Variants in CATSPER1 observed in about 807,000 individuals in gnomAD.
The protein encoded by CATSPER1 is cation channel sperm associated 1.
Under a neutral mutation model 72.7 loss-of-function variants are expected in CATSPER1, and 57 were observed. The observed-to-expected ratio is 0.78, with a 90% CI of 0.63 to 0.98. The LOEUF is 0.98. CATSPER1 is among the 50% of genes least tolerant of loss of function. The probability of loss-of-function intolerance (pLI) is 0.00; values close to 1 mark genes in which losing one functional copy is unlikely to be tolerated. For missense variants in CATSPER1, 910 were observed against 1,033.9 expected (o/e 0.88, Z 1.64); for synonymous variants, 363 against 403.0 (o/e 0.90, Z 1.19).
intron 9 of CATSPER1, 21 bp from the exon 10 acceptor site, chr11:66,018,923 G>A (rs1418404227): frequency 6.3e-7 from 1 of 1,595,738 alleles, no homozygotes; most frequent in Non-Finnish European, 8.6e-7. Context: ...AGAAAGAAGG[G>A]TGAGGTCAAG....
At chr11:66,024,743 A>C (rs1225337420) in intron 1 of CATSPER1, among the ~76,000 whole-genome samples, 1 of 152,142 alleles carries the variant, frequency 6.6e-6, no homozygotes, top group African/African-American at 2.4e-5. Context: ...GACAGATAGA[A>C]TCCACCATGG....
intron 9 of CATSPER1, 97 bp from the exon 10 acceptor site, chr11:66,018,999 TG>T (rs1856298088): frequency 4.8e-6 from 5 of 1,032,792 alleles, no homozygotes; most frequent in Non-Finnish European, 7.6e-6. Flanking sequence ...ATGGAGTTTC[TG>T]GCCAGGCTGC....
At position 66,025,863 on chromosome 11, in the gene CATSPER1, A is replaced by G. The variant is rs1856491334; in HGVS notation, c.517T>C (p.Ser173Pro). 1.2e-6 allele frequency: 2 copies of G among 1,612,568 alleles called. No homozygotes were observed. Among genetic ancestry groups the G allele is most frequent in the Admixed American group, 1.7e-5 (1 of 59,874 alleles). The stretch of plus-strand genomic sequence containing the variant: ...GGGAGGTAGGACCCACCATGGTGGG[A>G]AGCCTCACCGTGGTGGGGCACGCCA... ...SSGVPHHGEA[S>P]HHGGSYLPHG... The change falls in exon 1 of 12, where the codon TCC becomes CCC. Residue 173 changes from serine (S) to proline (P), a missense_variant. By Grantham distance (74) the Ser-to-Pro change is moderately conservative (BLOSUM62 -1). Coordinates refer to ENST00000312106, the MANE Select transcript of CATSPER1 (RefSeq NM_053054.4).
chr11:66,021,479 G>A lies in CATSPER1; in HGVS notation c.1691+17C>T, dbSNP rs368032844. ...CCTTTGGAGTCCCCACCCCAGGTGG[G>A]AGCCGTGGCCACTGACCTGAGCCTC... On this transcript the variant is annotated intron_variant, in intron 4 of 11. Transcript: ENST00000312106. 3 of 1,611,494 alleles carry A rather than the reference G, an allele frequency of 1.9e-6. No homozygotes were observed. Among genetic ancestry groups the A allele is most frequent in the African/African-American group, 2.7e-5 (2 of 74,906 alleles).
Position 66,026,409 on chromosome 11 carries a change from A to G in CATSPER1, c.-30T>C, listed in dbSNP as rs755275366. ...GTGCTGGGAACTCTGGAGCCAAAAG[A>G]GCTCAAGACCTGGGCCCAACAGGCC... is the stretch of plus-strand genomic sequence containing the variant. On this transcript the variant is annotated 5_prime_UTR_variant, in exon 1 of 12. Transcript: ENST00000312106. 2 of 1,609,534 alleles carry G rather than the reference A, an allele frequency of 1.2e-6. No individual in the cohort carries two copies. Among genetic ancestry groups the G allele is most frequent in the Non-Finnish European group, 1.7e-6 (2 of 1,179,864 alleles).
chr11:66,022,850 G>A lies in CATSPER1; in HGVS notation c.1428C>T (p.Gly476=), dbSNP rs375095699. ...AQTFAEVEIR[G]EWYFMALDSI... The stretch of plus-strand genomic sequence containing the variant: ...GGAACAGGACTCCCTGGCTCTTACC[G>A]CCCCGGATCTCGACTTCAGCGAAGG... The change falls in exon 2 of 12, where the codon GGC becomes GGT. Residue 476 remains glycine, a splice_region_variant and synonymous_variant. Transcript: ENST00000312106. The A allele has an allele frequency of 6.8e-5, 110 of 1,614,010 alleles. No homozygotes were observed. Among genetic ancestry groups the A allele is most frequent in the Non-Finnish European group, 8.8e-5 (104 of 1,179,994 alleles).
chr11:66,017,067 G>A lies in CATSPER1; in HGVS notation c.2309C>T (p.Thr770Ile), dbSNP rs1030657463. The change falls in exon 11 of 12, where the codon ACA becomes ATA. Residue 770 changes from threonine (T) to isoleucine (I), a missense_variant. Coordinates refer to ENST00000312106, the MANE Select transcript of CATSPER1 (RefSeq NM_053054.4). The part of the protein sequence containing the change: ...AAVIDEIVDT[T>I]FEAGEEDFRN Reference sequence around the variant, plus strand: ...CGCTCCTGCCTGGTTCACCTCAAATGTGGTGTCCACAATCTCATCGATGAC... The same window carrying A: ...CGCTCCTGCCTGGTTCACCTCAAATATGGTGTCCACAATCTCATCGATGAC... 6.2e-7 allele frequency: 1 copy of A among 1,613,924 alleles called. No individual in the cohort carries two copies. Among genetic ancestry groups the A allele is most frequent in the Non-Finnish European group, 8.5e-7 (1 of 1,179,944 alleles).
In CATSPER1 at chr11:66,017,105, G is replaced by A; in HGVS notation, c.2271C>T (p.Arg757=). 1 of 1,613,592 alleles carries A rather than the reference G, an allele frequency of 6.2e-7. No homozygotes were observed. The highest frequency in any genetic ancestry group is 8.5e-7 in the Non-Finnish European group (1 of 1,179,872). Residue 757 remains arginine (R), a synonymous_variant, in exon 11 of 12, where the codon CGC becomes CGT. Transcript: ENST00000312106. Reference sequence around the variant, plus strand: ...TCTCATCGATGACGGCTGCCTGGGAGCGGAACTTCTGCTGCTCCTGCTCCA... The same window carrying A: ...TCTCATCGATGACGGCTGCCTGGGAACGGAACTTCTGCTGCTCCTGCTCCA... ...ASVEQEQQKF[R]SQAAVIDEIV... is the part of the protein sequence containing the mutation.
chr11:66,022,190 A>C (rs1341888846), intron 2 of CATSPER1, among the ~76,000 whole-genome samples: 4 of 152,138 alleles, frequency 2.6e-5, no homozygotes, highest in Admixed American at 2.0e-4. Flanking sequence ...AAATACAAAA[A>C]TTAGCTGGGC....
Position 66,021,620 on chromosome 11 carries a change from C to T in CATSPER1, c.1567G>A (p.Val523Met), listed in dbSNP as rs928590431. ...GTCTGCATCAGCAAGAAGTCCAGCA[C>T]GGCCATGGCCATAATGAAGAAGTCT... ...NLDFFIMAMA[V>M]LDFLLMQTHS... The change falls in exon 4 of 12, where the codon GTG (valine) becomes ATG (methionine). Residue 523 changes from valine (V) to methionine (M), a missense_variant. Val to Met is a conservative substitution (Grantham distance 21, BLOSUM62 1). Coordinates refer to ENST00000312106, the MANE Select transcript of CATSPER1 (RefSeq NM_053054.4). The T allele has an allele frequency of 5.0e-6, 8 of 1,608,460 alleles. No homozygotes were observed. Among genetic ancestry groups the T allele is most frequent in the Admixed American group, 3.4e-5 (2 of 58,762 alleles).
chr11:66,018,647 C>T (rs1856287442), intron 10 of CATSPER1, 180 bp downstream of exon 10: 1 of 655,740 alleles, frequency 1.5e-6, no homozygotes. Flanking sequence ...GGCACACACA[C>T]CTCTGGATGT....
At chr11:66,019,712 C>T (rs1264408732) in intron 9 of CATSPER1, among the ~76,000 whole-genome samples, 1 of 151,802 alleles carries the variant, frequency 6.6e-6, no homozygotes, top group Non-Finnish European at 1.5e-5. Context: ...CCTGGCCAAC[C>T]TGGTGTAACC....
intron 2 of CATSPER1, among the ~76,000 whole-genome samples, chr11:66,022,137 C>A (rs546721642): frequency 6.6e-6 from 1 of 152,198 alleles, no homozygotes; most frequent in African/African-American, 2.4e-5. Context: ...GTCAGGAGTT[C>A]GAGACCAGCC....
Position 66,017,193 on chromosome 11 carries a change from G to GGGGGGGGGGT in CATSPER1, c.2202-20_2202-19insACCCCCCCCC. ...CTGCTGCCTGCGGGTGGGCGGGGGG[G>GGGGGGGGGGT]TCGCAGAGACAGGGGCTGGGCTGAC... On this transcript the variant is annotated intron_variant, in intron 10 of 11. Transcript: ENST00000312106. The GGGGGGGGGGT allele has an allele frequency of 2.0e-6, 1 of 493,814 alleles. No individual in the cohort carries two copies. The highest frequency in any genetic ancestry group is 4.0e-6 in the Non-Finnish European group (1 of 252,620). 30.6% of individuals were successfully genotyped at this position (493,814 alleles called of 1,614,324 possible).
chr11:66,019,524 G>A (rs1413346502), intron 9 of CATSPER1, among the ~76,000 whole-genome samples: 4 of 151,936 alleles, frequency 2.6e-5, no homozygotes, highest in Non-Finnish European at 4.4e-5. Context: ...TGATCCGCCC[G>A]TCTCAGCCTC....
In CATSPER1 at chr11:66,020,306, C is replaced by T. The variant is rs1856331102; in HGVS notation, c.2064+11G>A. On this transcript the variant is annotated intron_variant, in intron 8 of 11. Coordinates refer to ENST00000312106, the MANE Select transcript of CATSPER1 (RefSeq NM_053054.4). This position sits in a 1 kb window ranked among gnomAD's most constrained non-coding sequence, Gnocchi z 4.5. ...CCTGATCTGGTCCACCTGTCCCACC[C>T]CACTCGGTACCTCCTGCTTCGCTTT... 2.5e-6 allele frequency: 4 copies of T among 1,614,084 alleles called. No individual in the cohort carries two copies. The highest frequency in any genetic ancestry group is 1.1e-5 in the South Asian group (1 of 91,090).
In CATSPER1 at chr11:66,020,426, G is replaced by A. The variant is rs371108915; in HGVS notation, c.1992-37C>T. 1.2e-6 allele frequency: 2 copies of A among 1,612,904 alleles called. No individual in the cohort carries two copies. Among genetic ancestry groups the A allele is most frequent in the African/African-American group, 2.7e-5 (2 of 74,906 alleles). ...GACAGGGGTGTGCCCTCAGCGAGGA[G>A]GCCAGAGGAGAGGGGCACCCGGTAC... On this transcript the variant is annotated intron_variant, in intron 7 of 11. Transcript: ENST00000312106. The surrounding 1 kb of genome is among the most constrained non-coding windows in gnomAD (Gnocchi z 4.5).
intron 10 of CATSPER1, 94 bp from the exon 11 acceptor site, chr11:66,017,268 C>T: frequency 1.2e-6 from 1 of 805,040 alleles, no homozygotes; most frequent in Non-Finnish European, 2.0e-6. Context: ...GCTCTTCTTG[C>T]CTGCCTCCTC....
rs768520052 is a variant in CATSPER1 at position 66,025,154 on chromosome 11, A to G, written c.1216+10T>C. On this transcript the variant is annotated intron_variant, in intron 1 of 11. Transcript: ENST00000312106. ...CAGGAGTTGGCATGGGGGGCCCAGC[A>G]AAGACTCACTTTTGCGTTTCTGAAA... The G allele has an allele frequency of 5.6e-6, 9 of 1,614,000 alleles. No homozygotes were observed. In the Admixed American group the frequency reaches 1.5e-4, roughly 27 times the overall value.
Sources: gnomAD v4.1 joint callset for allele counts (sites outside exome capture counted in the v4.1 genomes callset) on GRCh38, gnomAD v4.1.1 for gene constraint, Gnocchi (gnomAD v3.1) non-coding constraint, MANE v1.5 for transcripts, NCBI Gene and HGNC (gene_info 2026-07-23, HGNC 2026-07-21) for gene names.